KCNQ5: variants seen among roughly 807,000 people sequenced by gnomAD.
KCNQ5 encodes the protein potassium voltage-gated channel subfamily Q member 5.
Under a neutral mutation model 98.2 loss-of-function variants are expected in KCNQ5, and 30 were observed. The observed-to-expected ratio is 0.31, with a 90% CI of 0.23 to 0.41. The LOEUF (loss-of-function observed/expected upper bound fraction) is 0.41, where lower values mean the gene tolerates loss of function less well. Ranked by LOEUF, KCNQ5 falls within the 10% of genes least tolerant of loss-of-function variation. The pLI, the probability that KCNQ5 is intolerant of heterozygous loss-of-function variation, is 1.00. For synonymous variants in KCNQ5, 458 were observed against 449.4 expected, an observed-to-expected ratio of 1.02 and a Z score of -0.24; for missense variants, 835 against 1,182.5, an observed-to-expected ratio of 0.71 and a Z score of 4.31.
chr6:73,190,661 G>A lies in KCNQ5; in HGVS notation c.1666G>A (p.Gly556Ser). 6.3e-7 allele frequency: 1 copy of A among 1,596,800 alleles called. No homozygotes were observed. Among genetic ancestry groups the A allele is most frequent in the Non-Finnish European group, 8.5e-7 (1 of 1,169,676 alleles). ...VKDVIEQYSA[G>S]HLDMLCRIKS... is the part of the protein sequence containing the mutation. ...AGATGTCATTGAACAATATTCTGCTGGTCATCTGGACATGTTGTGTAGAAT... is the reference window on the plus strand; with the variant it reads ...AGATGTCATTGAACAATATTCTGCTAGTCATCTGGACATGTTGTGTAGAAT... Residue 556 changes from glycine (G) to serine (S), a missense_variant, in exon 12 of 14, where the codon GGT becomes AGT. Physicochemically the swap from Gly to Ser is moderately conservative, Grantham distance 56. Around this residue, in one of 10 missense-constraint regions of KCNQ5, gnomAD observed 146 missense variants for 256.7 expected, o/e 0.57. Transcript: ENST00000370398.
intron 10 of KCNQ5, among the ~76,000 whole-genome samples, chr6:73,162,048 C>T (rs1290721642): frequency 2.6e-5 from 4 of 151,924 alleles, no homozygotes; most frequent in Non-Finnish European, 5.9e-5. Flanking sequence ...TCCCAAGTAG[C>T]TGGGATCACA....
At chr6:73,103,638 T>C (rs1179270111) in intron 5 of KCNQ5, among the ~76,000 whole-genome samples, 1 of 151,402 alleles carries the variant, frequency 6.6e-6, no homozygotes. Context: ...GTATAATAAT[T>C]AAAAAAAATT....
chr6:72,832,032 A>T (rs546362903), intron 1 of KCNQ5, among the ~76,000 whole-genome samples: 2 of 152,308 alleles, frequency 1.3e-5, no homozygotes, highest in East Asian at 3.9e-4. Flanking sequence ...TGAAGGCAGT[A>T]TTAATTGCCT....
intron 10 of KCNQ5, among the ~76,000 whole-genome samples, chr6:73,154,914 G>T (rs1777305300): frequency 6.6e-6 from 1 of 152,222 alleles, no homozygotes; most frequent in African/African-American, 2.4e-5. Context: ...ATTAACCATA[G>T]TACAACAGAA....
chr6:72,686,468 T>C (rs1041960910), intron 1 of KCNQ5, among the ~76,000 whole-genome samples: 3 of 152,202 alleles, frequency 2.0e-5, no homozygotes, highest in African/African-American at 7.2e-5. Flanking sequence ...TTCTAAGAAG[T>C]AGGTATTCAC....
At chr6:73,007,682 A>G (rs1299974692) in intron 2 of KCNQ5, among the ~76,000 whole-genome samples, 1 of 152,140 alleles carries the variant, frequency 6.6e-6, no homozygotes, top group Non-Finnish European at 1.5e-5. Context: ...AGGGACCTGA[A>G]CACAGCTTAT....
At chr6:72,910,695 C>T (rs138277995) in intron 1 of KCNQ5, among the ~76,000 whole-genome samples, 2 of 151,202 alleles carry the variant, frequency 1.3e-5, no homozygotes, top group East Asian at 2.0e-4. Context: ...ACTCAAATAC[C>T]CTTGCACTCT....
intron 1 of KCNQ5, among the ~76,000 whole-genome samples, chr6:72,879,469 C>T (rs1778555833): frequency 6.6e-6 from 1 of 151,874 alleles, no homozygotes; most frequent in African/African-American, 2.4e-5. Flanking sequence ...GTTTTTGTGT[C>T]TTTTTCTTTT....
chr6:73,050,520 T>C (rs1278401885), intron 3 of KCNQ5, among the ~76,000 whole-genome samples: 2 of 152,212 alleles, frequency 1.3e-5, no homozygotes, highest in Admixed American at 6.5e-5. Flanking sequence ...CTACGTATAC[T>C]GCAATTATCA....
chr6:72,919,485 G>A (rs9360618), intron 1 of KCNQ5, among the ~76,000 whole-genome samples: 49,495 of 151,890 alleles, frequency 0.33, 8,235 homozygotes, highest in African/African-American at 0.37. Context: ...CTCAAAACAA[G>A]TCTATGGGTT....
intron 1 of KCNQ5, among the ~76,000 whole-genome samples, chr6:72,748,013 C>T (rs569383324): frequency 9.9e-5 from 15 of 152,038 alleles, no homozygotes; most frequent in South Asian, 2.1e-4. Context: ...CAGTCTTTTT[C>T]GTTGTATAAT....
chr6:73,010,396 A>G (rs1390513384), intron 2 of KCNQ5, among the ~76,000 whole-genome samples: 2 of 152,074 alleles, frequency 1.3e-5, no homozygotes, highest in Non-Finnish European at 2.9e-5. Context: ...TGAAAAACCT[A>G]CAGCCAACAT....
chr6:72,636,951 C>A (rs2098924472), intron 1 of KCNQ5, among the ~76,000 whole-genome samples: 1 of 152,226 alleles, frequency 6.6e-6, no homozygotes, highest in Non-Finnish European at 1.5e-5. Flanking sequence ...GTTCTCTTGA[C>A]CCCTTGGGAA....
chr6:72,656,512 A>G (rs1321123475), intron 1 of KCNQ5, among the ~76,000 whole-genome samples: 1 of 152,178 alleles, frequency 6.6e-6, no homozygotes, highest in Non-Finnish European at 1.5e-5. Flanking sequence ...TTCTTATCAC[A>G]TTGTCTATTC....
intron 1 of KCNQ5, among the ~76,000 whole-genome samples, chr6:72,829,736 G>T (rs1776154507): frequency 6.6e-6 from 1 of 152,140 alleles, no homozygotes; most frequent in Non-Finnish European, 1.5e-5. Context: ...TCAGGGAGGA[G>T]GTGGCAAGCA....
In KCNQ5 at chr6:73,097,142, C is replaced by CATATATATATAT. The variant is rs70994161; in HGVS notation, c.919-8109_919-8098dup. On this transcript the variant is annotated intron_variant, in intron 5 of 13. Transcript: ENST00000370398. ...ATTCACCACACTGTGCAATAGATCT[C>CATATATATATAT]ATATATATATATATATACACACACA... 3.3e-3 allele frequency among the ~76,000 whole-genome samples: 405 copies of CATATATATATAT among 121,896 alleles called. 5 individuals are homozygous for CATATATATATAT. Among genetic ancestry groups the CATATATATATAT allele is most frequent in the Middle Eastern group, 0.021 (4 of 190 alleles). 80.0% of individuals were successfully genotyped at this position (121,896 alleles called of 152,430 possible). A position where few individuals can be genotyped will look rare whatever the true frequency, so the allele number is the denominator to read the frequency against.
chr6:72,967,507 C>T (rs1482405613), intron 1 of KCNQ5, among the ~76,000 whole-genome samples: 1 of 151,942 alleles, frequency 6.6e-6, no homozygotes, highest in Non-Finnish European at 1.5e-5. Flanking sequence ...TTCCTTCAAC[C>T]ATATGATGCA....
intron 1 of KCNQ5, among the ~76,000 whole-genome samples, chr6:72,852,614 C>A (rs1777309391): frequency 1.4e-5 from 1 of 71,376 alleles, no homozygotes; most frequent in African/African-American, 6.3e-5. Flanking sequence ...CCAGAGAGGG[C>A]AGTGGAGAGA....
chr6:73,024,707 C>A (rs1770794261), intron 2 of KCNQ5, among the ~76,000 whole-genome samples: 1 of 152,188 alleles, frequency 6.6e-6, no homozygotes, highest in African/African-American at 2.4e-5. Flanking sequence ...TAGTGACTAG[C>A]AGCTTTTTAT....
Sources: allele counts gnomAD v4.1 joint callset (sites outside exome capture counted in the v4.1 genomes callset), GRCh38; gene constraint gnomAD v4.1.1; regional missense constraint gnomAD v4.1.1; transcripts MANE v1.5; gene names NCBI Gene and HGNC (gene_info 2026-07-23, HGNC 2026-07-21).